Variants in SOX5 observed in about 807,000 individuals in gnomAD.
SOX5 encodes the protein transcription factor SOX-5.
A neutral mutation model predicts 92.0 loss-of-function variants in SOX5; 9 were observed. The ratio of observed to expected loss-of-function variants is 0.10; its 90% CI spans 0.06 to 0.17. The LOEUF (loss-of-function observed/expected upper bound fraction) is 0.17, where lower values mean the gene tolerates loss of function less well. SOX5 is among the 10% of genes least tolerant of loss of function. SOX5 has a pLI of 1.00. For missense variants in SOX5, 642 were observed against 944.5 expected, an observed-to-expected ratio of 0.68 and a Z score of 4.20; for synonymous variants, 344 against 336.3, an observed-to-expected ratio of 1.02 and a Z score of -0.25.
chr12:24,073,846 C>A (rs761684804), intron 4 of SOX5, among the ~76,000 whole-genome samples: 8 of 152,084 alleles, frequency 5.3e-5, no homozygotes, highest in Non-Finnish European at 1.0e-4. Flanking sequence ...CAAAACCATG[C>A]AGAAAGAATA....
chr12:23,543,527 C>G (rs892116445), intron 12 of SOX5, 143 bp from the exon 13 acceptor site: 3 of 558,278 alleles, frequency 5.4e-6, no homozygotes, highest in Non-Finnish European at 9.2e-6. Context: ...AAGACAGATG[C>G]TTGTTTATGA....
At chr12:24,556,760 T>G (rs992600187) in intron 1 of SOX5, among the ~76,000 whole-genome samples, 1 of 152,180 alleles carries the variant, frequency 6.6e-6, no homozygotes, top group African/African-American at 2.4e-5. Flanking sequence ...AAAGATAGAA[T>G]TCACACTTGC....
intron 1 of SOX5, among the ~76,000 whole-genome samples, chr12:24,450,262 T>C (rs562804482): frequency 6.6e-6 from 1 of 152,278 alleles, no homozygotes; most frequent in South Asian, 2.1e-4. Flanking sequence ...CAGTAAGTAA[T>C]GTGTGGGGTT....
intron 1 of SOX5, among the ~76,000 whole-genome samples, chr12:24,395,523 C>T (rs770887177): frequency 9.2e-5 from 14 of 152,192 alleles, no homozygotes; most frequent in Non-Finnish European, 1.9e-4. Flanking sequence ...GGAAAACCCA[C>T]TGAATTCTAT....
intron 1 of SOX5, among the ~76,000 whole-genome samples, chr12:24,392,137 C>T (rs1356196622): frequency 1.3e-5 from 2 of 152,148 alleles, no homozygotes; most frequent in East Asian, 3.9e-4. Context: ...CTTGACTTCT[C>T]ACAACTCCAC....
intron 4 of SOX5, among the ~76,000 whole-genome samples, chr12:23,970,841 A>ATATTTTTTTTT: frequency 4.6e-5 from 1 of 21,876 alleles, no homozygotes; most frequent in African/African-American, 1.2e-4. Context: ...TATATATATA[A>ATATTTTTTTTT]TTTTTTTTTT....
At chr12:24,015,918 G>A (rs1192528072) in intron 4 of SOX5, among the ~76,000 whole-genome samples, 2 of 105,100 alleles carry the variant, frequency 1.9e-5, no homozygotes, top group African/African-American at 7.6e-5. Context: ...ATTCAATGGG[G>A]GCAGAAAAAA....
intron 4 of SOX5, among the ~76,000 whole-genome samples, chr12:24,034,079 G>GT (rs1955780115): frequency 6.6e-6 from 1 of 151,988 alleles, no homozygotes; most frequent in African/African-American, 2.4e-5. Context: ...AAACATAACT[G>GT]TTTTGATAAT....
At chr12:24,305,303 G>A (rs1948444885) in intron 2 of SOX5, among the ~76,000 whole-genome samples, 1 of 152,176 alleles carries the variant, frequency 6.6e-6, no homozygotes, top group African/African-American at 2.4e-5. Context: ...ACGCCTAAGT[G>A]TAACAAAGAG....
intron 13 of SOX5, among the ~76,000 whole-genome samples, chr12:23,540,402 T>TAATAATAATAATAAA (rs1336779007): frequency 7.2e-6 from 1 of 139,750 alleles, no homozygotes; most frequent in East Asian, 2.1e-4. Flanking sequence ...ATAATAATAA[T>TAATAATAATAATAAA]AAAAAGCAGA....
At chr12:23,800,951 C>T (rs146668179) in intron 3 of SOX5, among the ~76,000 whole-genome samples, 7 of 152,196 alleles carry the variant, frequency 4.6e-5, no homozygotes, top group African/African-American at 7.2e-5. Context: ...ATACTGAAAA[C>T]CACTCCCTGT....
intron 14 of SOX5, among the ~76,000 whole-genome samples, chr12:23,535,455 A>G (rs933237733): frequency 1.3e-5 from 2 of 152,118 alleles, no homozygotes; most frequent in Non-Finnish European, 2.9e-5. Flanking sequence ...GAAATTCTTA[A>G]TAACTTTTTA....
At chr12:24,026,955 T>C (rs1027984904) in intron 4 of SOX5, among the ~76,000 whole-genome samples, 3 of 152,082 alleles carry the variant, frequency 2.0e-5, no homozygotes, top group Non-Finnish European at 2.9e-5. Context: ...CTTTGTATCA[T>C]ATTGTTGTAG....
At chr12:23,811,279 G>T (rs1275663439) in intron 3 of SOX5, among the ~76,000 whole-genome samples, 1 of 152,112 alleles carries the variant, frequency 6.6e-6, no homozygotes, top group Admixed American at 6.6e-5. Context: ...AATATTCACA[G>T]ATTGAAAACC....
intron 10 of SOX5, among the ~76,000 whole-genome samples, chr12:23,566,230 C>G (rs753500786): frequency 6.6e-6 from 1 of 152,188 alleles, no homozygotes; most frequent in Non-Finnish European, 1.5e-5. Context: ...AATAAAGTGT[C>G]TTCTTTAACC....
At chr12:23,556,511 T>C (rs150232998) in intron 11 of SOX5, among the ~76,000 whole-genome samples, 11,038 of 152,314 alleles carry the variant, frequency 0.072, 557 homozygotes, top group South Asian at 0.11. Flanking sequence ...ATTGGGAACA[T>C]TTTTTAAAAA....
At chr12:23,856,161 G>A (rs1473025878) in intron 2 of SOX5, among the ~76,000 whole-genome samples, 9 of 152,112 alleles carry the variant, frequency 5.9e-5, no homozygotes, top group Admixed American at 4.6e-4. Context: ...CCACTTTAGC[G>A]GGCCCATAAG....
chr12:24,028,089 A>G (rs1262327519), intron 4 of SOX5, among the ~76,000 whole-genome samples: 1 of 151,992 alleles, frequency 6.6e-6, no homozygotes, highest in African/African-American at 2.4e-5. Context: ...TTTAGGGTGC[A>G]GGGAGCAGGC....
At chr12:24,309,096 A>G (rs1178178775) in intron 2 of SOX5, among the ~76,000 whole-genome samples, 2 of 152,236 alleles carry the variant, frequency 1.3e-5, no homozygotes, top group Non-Finnish European at 2.9e-5. Flanking sequence ...TGCAGAGAGC[A>G]GTAGAATTAT....
Sources: gnomAD v4.1 joint callset for allele counts (sites outside exome capture counted in the v4.1 genomes callset) on GRCh38, gnomAD v4.1.1 for gene constraint, MANE v1.5 for transcripts, NCBI Gene and HGNC (gene_info 2026-07-23, HGNC 2026-07-21) for gene names.